The following MRPS28 variants were observed in gnomAD, a reference collection of about 807,000 sequenced individuals.
MRPS28 encodes the protein small ribosomal subunit protein bS1m.
MRPS28 carries 7 observed loss-of-function variants against 10.8 expected under a neutral mutation model. The observed-to-expected ratio is 0.65, with a 90% CI of 0.37 to 1.22. The LOEUF (loss-of-function observed/expected upper bound fraction) is 1.22. Among genes scored for constraint, MRPS28 ranks in the 50% most tolerant of loss-of-function variants. The pLI, the probability that MRPS28 is intolerant of heterozygous loss-of-function variation, is 0.02. For synonymous variants in MRPS28, 121 were observed against 93.3 expected (o/e 1.30, Z -1.71); for missense variants, 265 against 232.9 (o/e 1.14, Z -0.90).
At chr8:79,952,035 C>A (rs913765660) in intron 2 of MRPS28, among the ~76,000 whole-genome samples, 2 of 152,126 alleles carry the variant, frequency 1.3e-5, no homozygotes, top group Non-Finnish European at 2.9e-5. Flanking sequence ...CACATGACGG[C>A]GCACTTTTAA....
intron 1 of MRPS28, among the ~76,000 whole-genome samples, chr8:80,014,345 G>C (rs1809139591): frequency 6.6e-6 from 1 of 152,110 alleles, no homozygotes; most frequent in Admixed American, 6.5e-5. Context: ...GTACAGAGGA[G>C]AGCCAAGTTT....
chr8:79,986,764 C>A (rs60948427), intron 2 of MRPS28, among the ~76,000 whole-genome samples: 1 of 149,024 alleles, frequency 6.7e-6, no homozygotes, highest in Non-Finnish European at 1.5e-5. Context: ...CACTGCTCAA[C>A]GAAATAAAAG....
chr8:79,960,920 A>G (rs1355516283), intron 2 of MRPS28, among the ~76,000 whole-genome samples: 1 of 152,106 alleles, frequency 6.6e-6, no homozygotes, highest in East Asian at 1.9e-4. Flanking sequence ...ATTTGTAAGC[A>G]AGGCAATAGT....
chr8:79,959,315 C>T (rs1283362877), intron 2 of MRPS28, among the ~76,000 whole-genome samples: 1 of 151,736 alleles, frequency 6.6e-6, no homozygotes, highest in East Asian at 1.9e-4. Context: ...TATAAAAAAG[C>T]TATAAAATAT....
chr8:79,933,809 A>T (rs1806533274), intron 2 of MRPS28, among the ~76,000 whole-genome samples: 1 of 152,244 alleles, frequency 6.6e-6, no homozygotes, highest in Non-Finnish European at 1.5e-5. Flanking sequence ...AAGAAAATTC[A>T]GACCCACCCC....
At chr8:79,944,701 C>CTTTTTTTTTTTTTTTTTT (rs57397948) in intron 2 of MRPS28, among the ~76,000 whole-genome samples, 8 of 137,628 alleles carry the variant, frequency 5.8e-5, no homozygotes, top group Non-Finnish European at 7.7e-5. Context: ...TTTCTTTTTT[C>CTTTTTTTTTTTTTTTTTT]TTTTTTTTTT....
At chr8:79,926,338 GCA>G (rs1252169456) in intron 2 of MRPS28, among the ~76,000 whole-genome samples, 7 of 152,264 alleles carry the variant, frequency 4.6e-5, no homozygotes, top group African/African-American at 1.4e-4. Flanking sequence ...TTTCAGTGTA[GCA>G]CAGAGGTTTG....
intron 1 of MRPS28, among the ~76,000 whole-genome samples, chr8:80,025,174 G>C (rs1198258930): frequency 1.3e-5 from 2 of 152,158 alleles, no homozygotes; most frequent in African/African-American, 2.4e-5. Flanking sequence ...AGTTCAAATT[G>C]ATAGCACTTA....
chr8:80,018,054 C>T (rs1809244311), intron 1 of MRPS28, among the ~76,000 whole-genome samples: 1 of 152,050 alleles, frequency 6.6e-6, no homozygotes, highest in African/African-American at 2.4e-5. Flanking sequence ...CTTTGGGAGG[C>T]CGAGGCGGGC....
At chr8:80,005,937 A>G (rs976246115) in intron 1 of MRPS28, among the ~76,000 whole-genome samples, 1 of 152,242 alleles carries the variant, frequency 6.6e-6, no homozygotes, top group Non-Finnish European at 1.5e-5. Context: ...AGAGCTAACT[A>G]TCCTAAATAT....
At chr8:79,929,267 C>T (rs1806393808) in intron 2 of MRPS28, among the ~76,000 whole-genome samples, 1 of 152,068 alleles carries the variant, frequency 6.6e-6, no homozygotes, top group Non-Finnish European at 1.5e-5. Context: ...GTTTTGCTCC[C>T]CCAATAAGCT....
rs773147829 is a variant in MRPS28 at position 79,919,005 on chromosome 8, G to A, written c.539C>T (p.Ser180Leu). Residue 180 changes from serine to leucine, a missense_variant, in exon 3 of 3, where the codon TCG becomes TTG. Coordinates refer to ENST00000276585, the MANE Select transcript of MRPS28 (RefSeq NM_014018.3). ...LGIQESKDSR[S>L]KEEHHEK The stretch of plus-strand genomic sequence containing the variant: ...TTATTTTTCATGATGTTCTTCTTTC[G>A]ATCTTGAGTCTTTACTCTCCTGGAT... The A allele has an allele frequency of 1.9e-6, 3 of 1,564,048 alleles. No homozygotes were observed. Among genetic ancestry groups the A allele is most frequent in the Non-Finnish European group, 2.6e-6 (3 of 1,158,932 alleles).
chr8:80,029,711 C>T lies in MRPS28; in HGVS notation c.213+325G>A, dbSNP rs563253048. 513 of 1,406,658 alleles carry T rather than the reference C, an allele frequency of 3.6e-4. No homozygotes were observed. The African/African-American group carries it at 6.4e-3, about 18-fold the overall frequency. 87.1% of individuals were successfully genotyped at this position (1,406,658 alleles called of 1,614,324 possible). On this transcript the variant is annotated intron_variant, in intron 1 of 2. Coordinates refer to ENST00000276585, the MANE Select transcript of MRPS28 (RefSeq NM_014018.3). ...GTGTGAGTCCCATTCTCCTTAGCGT[C>T]CCAGGAATCGCCCTAGATCGCCTCC...
chr8:80,014,285 G>C (rs1809138309), intron 1 of MRPS28, among the ~76,000 whole-genome samples: 1 of 152,130 alleles, frequency 6.6e-6, no homozygotes, highest in African/African-American at 2.4e-5. Flanking sequence ...GTATTATCCT[G>C]TCAAAAATAA....
chr8:79,934,556 C>G (rs949078974), intron 2 of MRPS28, among the ~76,000 whole-genome samples: 5 of 152,180 alleles, frequency 3.3e-5, no homozygotes, highest in Admixed American at 6.5e-5. Flanking sequence ...CAGTACAACA[C>G]AGCTAATTGT....
chr8:79,985,400 G>A (rs1808124791), intron 2 of MRPS28, among the ~76,000 whole-genome samples: 1 of 152,108 alleles, frequency 6.6e-6, no homozygotes, highest in African/African-American at 2.4e-5. Context: ...TCAAAAGCTA[G>A]CAGAAGGCAA....
intron 1 of MRPS28, among the ~76,000 whole-genome samples, chr8:80,010,453 C>T (rs1009383674): frequency 2.6e-5 from 4 of 152,158 alleles, no homozygotes; most frequent in African/African-American, 9.7e-5. Context: ...ATTATAAACT[C>T]AAATGCCAGG....
intron 2 of MRPS28, among the ~76,000 whole-genome samples, chr8:79,975,580 C>T (rs1807774125): frequency 6.6e-6 from 1 of 151,986 alleles, no homozygotes; most frequent in Non-Finnish European, 1.5e-5. Flanking sequence ...GCAACCAGAA[C>T]AGGCCAATGA....
At chr8:79,962,079 C>A (rs1208108376) in intron 2 of MRPS28, among the ~76,000 whole-genome samples, 1 of 151,814 alleles carries the variant, frequency 6.6e-6, no homozygotes, top group Non-Finnish European at 1.5e-5. Flanking sequence ...AATTTTTTAT[C>A]TTATTTTCTG....
Sources: allele counts gnomAD v4.1 joint callset (sites outside exome capture counted in the v4.1 genomes callset), GRCh38; gene constraint gnomAD v4.1.1; transcripts MANE v1.5; gene names NCBI Gene and HGNC (gene_info 2026-07-23, HGNC 2026-07-21).